The following UBAP1 variants were observed in gnomAD, a reference collection of about 807,000 sequenced individuals.
UBAP1 encodes the protein ubiquitin-associated protein 1.
Under a neutral mutation model 39.0 loss-of-function variants are expected in UBAP1, and 5 were observed. The observed-to-expected ratio is 0.13, with a 90% CI of 0.07 to 0.27. The LOEUF is 0.27. Ranked by LOEUF, UBAP1 falls within the 10% of genes least tolerant of loss-of-function variation. The pLI is 1.00. For missense variants in UBAP1, 490 were observed against 608.1 expected (o/e 0.81, Z 2.04); for synonymous variants, 211 against 225.1 (o/e 0.94, Z 0.56).
intron 3 of UBAP1, among the ~76,000 whole-genome samples, chr9:34,236,861 A>T (rs1244103691): frequency 6.6e-6 from 1 of 152,070 alleles, no homozygotes; most frequent in East Asian, 1.9e-4. Context: ...TATTGAGTAT[A>T]GTCTAGACAT....
intron 4 of UBAP1, among the ~76,000 whole-genome samples, chr9:34,243,799 T>C (rs1164786409): frequency 1.3e-5 from 2 of 151,904 alleles, no homozygotes; most frequent in African/African-American, 2.4e-5. Flanking sequence ...CAATTAAATA[T>C]TGACTATAAT....
chr9:34,241,979 T>G lies in UBAP1; in HGVS notation c.954T>G (p.Thr318=). ...CCAGTGAGCTCAATGGGCATCACAC[T>G]CTTGGGCTTTCAGCTTTGAACTTGG... The part of the protein sequence containing the change: ...SSASELNGHH[T]LGLSALNLDS... The change falls in exon 4 of 7, where the codon ACT becomes ACG. Residue 318 remains threonine (T), a synonymous_variant. Coordinates refer to ENST00000297661, the MANE Select transcript of UBAP1 (RefSeq NM_016525.5). 6.2e-7 allele frequency: 1 copy of G among 1,614,104 alleles called. No individual in the cohort carries two copies. Among genetic ancestry groups the G allele is most frequent in the Non-Finnish European group, 8.5e-7 (1 of 1,180,006 alleles).
intron 1 of UBAP1, among the ~76,000 whole-genome samples, chr9:34,217,192 G>C (rs1217119634): frequency 6.6e-6 from 1 of 152,152 alleles, no homozygotes; most frequent in Non-Finnish European, 1.5e-5. Flanking sequence ...AGAGAATGGA[G>C]TCATCTGATT....
chr9:34,225,248 C>T (rs1832982868), intron 2 of UBAP1, among the ~76,000 whole-genome samples: 1 of 151,938 alleles, frequency 6.6e-6, no homozygotes, highest in Admixed American at 6.6e-5. Flanking sequence ...TTGGGACTGA[C>T]TAGGTCTGGT....
At chr9:34,205,861 G>A (rs1198066789) in intron 1 of UBAP1, among the ~76,000 whole-genome samples, 1 of 152,084 alleles carries the variant, frequency 6.6e-6, no homozygotes, top group Non-Finnish European at 1.5e-5. Flanking sequence ...GTGTGGTGGC[G>A]GGCACCTGTA....
chr9:34,223,517 C>T (rs1832873955), intron 2 of UBAP1, among the ~76,000 whole-genome samples: 1 of 152,136 alleles, frequency 6.6e-6, no homozygotes, highest in South Asian at 2.1e-4. Context: ...TGCAGTAGCA[C>T]GATCTTGGCT....
intron 1 of UBAP1, among the ~76,000 whole-genome samples, chr9:34,182,347 G>A (rs986780642): frequency 6.6e-6 from 1 of 151,378 alleles, no homozygotes; most frequent in African/African-American, 2.4e-5. Flanking sequence ...ACCACACCCG[G>A]CTAATTTTTA....
intron 1 of UBAP1, among the ~76,000 whole-genome samples, chr9:34,186,878 A>T (rs562682778): frequency 1.2e-3 from 183 of 151,774 alleles, no homozygotes; most frequent in Non-Finnish European, 2.3e-3. Context: ...TCAGTCTTTC[A>T]TGGTTTGTGT....
intron 1 of UBAP1, among the ~76,000 whole-genome samples, chr9:34,219,724 T>TCCCCTC (rs1168894350): frequency 1.3e-4 from 3 of 22,336 alleles, no homozygotes; most frequent in African/African-American, 5.6e-4. Flanking sequence ...TCCCTTCCCC[T>TCCCCTC]CCCCTCCCCC....
Position 34,193,327 on chromosome 9 carries a change from TAAAA to T in UBAP1, c.-8+14089_-8+14092del, listed in dbSNP as rs1348869232. On this transcript the variant is annotated intron_variant, in intron 1 of 6. Coordinates refer to ENST00000297661, the MANE Select transcript of UBAP1 (RefSeq NM_016525.5). ...CTCTGTCTCAAAAAAATAAAAATAA[TAAAA>T]ATATTGTGTAGGGGAAGCTCTCAAA... Among the ~76,000 whole-genome samples, 3 of 151,854 alleles carry T rather than the reference TAAAA, an allele frequency of 2.0e-5. No individual in the cohort carries two copies. In the South Asian group the frequency reaches 6.2e-4, roughly 32 times the overall value.
chr9:34,186,949 C>T (rs1350089280), intron 1 of UBAP1, among the ~76,000 whole-genome samples: 1 of 151,490 alleles, frequency 6.6e-6, no homozygotes, highest in Admixed American at 6.6e-5. Context: ...CTCTTGTTGC[C>T]CATGCGGGAG....
At chr9:34,190,156 C>T (rs1403542296) in intron 1 of UBAP1, among the ~76,000 whole-genome samples, 1 of 152,190 alleles carries the variant, frequency 6.6e-6, no homozygotes, top group Non-Finnish European at 1.5e-5. Flanking sequence ...AACAAACCTT[C>T]ACATGTACCC....
At chr9:34,224,322 G>T in intron 2 of UBAP1, 1 of 447,462 alleles carries the variant, frequency 2.2e-6, no homozygotes, top group South Asian at 5.0e-5. Flanking sequence ...TGCTGTCAAT[G>T]AGCATGAAGC....
intron 1 of UBAP1, among the ~76,000 whole-genome samples, chr9:34,197,570 GAC>G (rs1433130030): frequency 1.3e-5 from 2 of 151,626 alleles, no homozygotes; most frequent in Admixed American, 6.6e-5. Flanking sequence ...TTTCTTTTGA[GAC>G]AGATTTTTGC....
chr9:34,228,930 C>T (rs1310329943), intron 2 of UBAP1, among the ~76,000 whole-genome samples: 1 of 151,990 alleles, frequency 6.6e-6, no homozygotes, highest in Non-Finnish European at 1.5e-5. Context: ...CTACCTCCTC[C>T]TTCCAGTAAT....
intron 1 of UBAP1, among the ~76,000 whole-genome samples, chr9:34,208,081 A>G (rs1410762185): frequency 1.3e-5 from 2 of 152,204 alleles, no homozygotes; most frequent in African/African-American, 2.4e-5. Context: ...GGAGATAGCC[A>G]TATGATTTTT....
chr9:34,240,854 T>C (rs1000140901), intron 3 of UBAP1, among the ~76,000 whole-genome samples: 2 of 139,966 alleles, frequency 1.4e-5, no homozygotes, highest in Non-Finnish European at 3.3e-5. Flanking sequence ...TTTAGAATCA[T>C]GCATGGCACC....
intron 1 of UBAP1, among the ~76,000 whole-genome samples, chr9:34,198,658 C>A (rs1831195858): frequency 6.6e-6 from 1 of 152,142 alleles, no homozygotes. Context: ...TTGCTGTGAG[C>A]CCCACCCCCT....
intron 1 of UBAP1, among the ~76,000 whole-genome samples, chr9:34,210,828 C>T (rs1831980212): frequency 6.6e-6 from 1 of 151,242 alleles, no homozygotes; most frequent in Admixed American, 6.6e-5. Context: ...TTTAATTCAC[C>T]AACCTTTTTT....
Sources: allele counts gnomAD v4.1 joint callset (sites outside exome capture counted in the v4.1 genomes callset), GRCh38; gene constraint gnomAD v4.1.1; transcripts MANE v1.5; gene names NCBI Gene and HGNC (gene_info 2026-07-23, HGNC 2026-07-21).